The following COBL variants were observed in gnomAD, a reference collection of about 807,000 sequenced individuals.
The protein encoded by COBL is cordon-bleu WH2 repeat protein.
COBL carries 51 observed loss-of-function variants against 98.8 expected under a neutral mutation model. That is an observed-to-expected ratio of 0.52 (90% CI 0.41 to 0.65). The LOEUF is 0.65. Among genes scored for constraint, COBL ranks in the 30% least tolerant of loss-of-function variants. COBL has a pLI of 0.00. For synonymous variants in COBL, 634 were observed against 651.7 expected, an observed-to-expected ratio of 0.97 and a Z score of 0.41; for missense variants, 1,617 against 1,617.5, an observed-to-expected ratio of 1.00 and a Z score of 0.01.
intron 2 of COBL, among the ~76,000 whole-genome samples, chr7:51,203,696 G>T (rs906975847): frequency 6.6e-6 from 1 of 151,772 alleles, no homozygotes; most frequent in Non-Finnish European, 1.5e-5. Context: ...AAATCCTGAA[G>T]AGACCAATAA....
chr7:51,118,130 A>G (rs936956287), intron 6 of COBL, among the ~76,000 whole-genome samples: 5 of 152,214 alleles, frequency 3.3e-5, no homozygotes, highest in Admixed American at 2.0e-4. Context: ...GAATTAGGCT[A>G]GAACAAATGG....
chr7:51,257,426 G>A (rs1797293512), intron 1 of COBL, among the ~76,000 whole-genome samples: 1 of 152,078 alleles, frequency 6.6e-6, no homozygotes, highest in Non-Finnish European at 1.5e-5. Context: ...AGAAAGTAGA[G>A]GAATAGAACA....
chr7:51,126,428 T>C lies in COBL; in HGVS notation c.957+9730A>G, dbSNP rs146198781. On this transcript the variant is annotated intron_variant, in intron 6 of 12. Coordinates refer to ENST00000265136, the MANE Select transcript of COBL (RefSeq NM_015198.5). The stretch of plus-strand genomic sequence containing the variant: ...ACCCTCATCCTGATCTTCATGCTTC[T>C]GTTAGGACAGGCTGGGCCACTGTAC... Among the ~76,000 whole-genome samples, 254 of 152,346 alleles carry C rather than the reference T, an allele frequency of 1.7e-3. 2 individuals are homozygous for C. The highest frequency in any genetic ancestry group is 3.5e-3 in the Admixed American group (54 of 15,308).
chr7:51,197,751 C>T (rs941853875), intron 2 of COBL, among the ~76,000 whole-genome samples: 1 of 152,150 alleles, frequency 6.6e-6, no homozygotes, highest in Non-Finnish European at 1.5e-5. Context: ...GAATTTAACC[C>T]TTTACCATTA....
intron 4 of COBL, among the ~76,000 whole-genome samples, chr7:51,185,870 G>A (rs1236681402): frequency 6.6e-6 from 1 of 152,218 alleles, no homozygotes; most frequent in Non-Finnish European, 1.5e-5. Context: ...ACACAGCAAA[G>A]CAAAAACCCA....
chr7:51,111,174 C>T (rs1404792690), intron 6 of COBL, among the ~76,000 whole-genome samples: 2 of 152,178 alleles, frequency 1.3e-5, no homozygotes, highest in Admixed American at 6.5e-5. Flanking sequence ...CTTCAACATA[C>T]TAATTTCATT....
intron 7 of COBL, among the ~76,000 whole-genome samples, chr7:51,061,528 A>G (rs1791357664): frequency 6.6e-6 from 1 of 152,018 alleles, no homozygotes; most frequent in South Asian, 2.1e-4. Context: ...ACATGCATAT[A>G]GGGGGCGAGT....
intron 7 of COBL, among the ~76,000 whole-genome samples, chr7:51,050,422 C>T (rs975386111): frequency 6.6e-6 from 1 of 152,168 alleles, no homozygotes; most frequent in African/African-American, 2.4e-5. Flanking sequence ...TTTTTCTCTG[C>T]CCACCACTCT....
At chr7:51,214,159 G>A (rs1164854116) in intron 2 of COBL, among the ~76,000 whole-genome samples, 2 of 152,070 alleles carry the variant, frequency 1.3e-5, no homozygotes, top group East Asian at 1.9e-4. Context: ...CCAGCTACTC[G>A]GGAGGCTGAG....
At chr7:51,094,749 T>C (rs138530341) in intron 6 of COBL, among the ~76,000 whole-genome samples, 109 of 152,264 alleles carry the variant, frequency 7.2e-4, no homozygotes, top group African/African-American at 2.5e-3. Context: ...TTCACAATAG[T>C]GTGTGAATAA....
chr7:51,044,390 T>C (rs190467338), intron 7 of COBL, among the ~76,000 whole-genome samples: 33 of 152,326 alleles, frequency 2.2e-4, no homozygotes, highest in Admixed American at 2.0e-3. Flanking sequence ...ACTACCTAGC[T>C]ATTTGTAGAT....
chr7:51,164,141 G>A (rs1009752209), intron 5 of COBL, among the ~76,000 whole-genome samples: 3 of 151,222 alleles, frequency 2.0e-5, no homozygotes, highest in African/African-American at 7.3e-5. Flanking sequence ...CATTCAAGAG[G>A]GTTTTTTGTT....
At chr7:51,284,009 G>A (rs1482897784) in intron 1 of COBL, among the ~76,000 whole-genome samples, 2 of 151,762 alleles carry the variant, frequency 1.3e-5, no homozygotes, top group Admixed American at 6.6e-5. Context: ...GAATAGGCTG[G>A]GCACGGTGGC....
At chr7:51,263,024 A>AACTG (rs1300825882) in intron 1 of COBL, among the ~76,000 whole-genome samples, 1 of 152,182 alleles carries the variant, frequency 6.6e-6, no homozygotes. Flanking sequence ...GGGCAGGTGG[A>AACTG]ACTGACATCA....
At chr7:51,085,575 T>C (rs1794157824) in intron 6 of COBL, among the ~76,000 whole-genome samples, 1 of 152,072 alleles carries the variant, frequency 6.6e-6, no homozygotes, top group South Asian at 2.1e-4. Flanking sequence ...AGCAGGGAGC[T>C]CATATTTTCT....
At chr7:51,018,650 T>C (rs538641866) in intron 12 of COBL, among the ~76,000 whole-genome samples, 136 of 151,834 alleles carry the variant, frequency 9.0e-4, no homozygotes, top group African/African-American at 3.2e-3. Flanking sequence ...CCCAGCACTT[T>C]GGGAGGCCAA....
chr7:51,069,222 C>T (rs13243861), intron 7 of COBL, among the ~76,000 whole-genome samples: 1 of 152,022 alleles, frequency 6.6e-6, no homozygotes, highest in Non-Finnish European at 1.5e-5. Flanking sequence ...AAGCGAAGGG[C>T]GCAGGGATGA....
intron 6 of COBL, among the ~76,000 whole-genome samples, chr7:51,094,794 G>A (rs1204681568): frequency 6.6e-6 from 1 of 152,014 alleles, no homozygotes; most frequent in East Asian, 1.9e-4. Context: ...AAAAATAAAA[G>A]CATAAAAATA....
intron 12 of COBL, chr7:51,021,048 AAGG>A (rs1423915814): frequency 2.0e-5 from 3 of 152,146 alleles, no homozygotes; most frequent in African/African-American, 7.2e-5. Flanking sequence ...CCCTCATTGA[AAGG>A]AGGAGGCTGC....
Sources: gnomAD v4.1 joint callset for allele counts (sites outside exome capture counted in the v4.1 genomes callset) on GRCh38, gnomAD v4.1.1 for gene constraint, MANE v1.5 for transcripts, NCBI Gene and HGNC (gene_info 2026-07-23, HGNC 2026-07-21) for gene names.